The following ITPR2 variants were observed in gnomAD, a reference collection of about 807,000 sequenced individuals.
ITPR2 encodes inositol 1,4,5-trisphosphate receptor type 2.
Under a neutral mutation model 317.1 loss-of-function variants are expected in ITPR2, and 207 were observed. The observed-to-expected ratio is 0.65, with a 90% CI of 0.58 to 0.73. The LOEUF is 0.73. ITPR2 is among the 30% of genes least tolerant of loss of function. The pLI, the probability that ITPR2 is intolerant of heterozygous loss-of-function variation, is 0.00. For synonymous variants in ITPR2, 1,156 were observed against 1,149.1 expected (o/e 1.01, Z -0.12); for missense variants, 2,613 against 3,284.0 (o/e 0.80, Z 4.99).
At position 26,358,104 on chromosome 12, in the gene ITPR2, C is replaced by T. The variant is rs575684387; in HGVS notation, c.7858-17776G>A. Among the ~76,000 whole-genome samples the T allele has an allele frequency of 6.3e-5, 3 of 47,836 alleles. 1 individual carries two copies. Among genetic ancestry groups the T allele is most frequent in the African/African-American group, 1.8e-4 (3 of 16,536 alleles). 31.4% of individuals were successfully genotyped at this position (47,836 alleles called of 152,430 possible). On this transcript the variant is annotated intron_variant, in intron 55 of 56. Transcript: ENST00000381340. ...TCTATGGATAAAGAATAAAGTCGTT[C>T]GGCCGGGCGCGGTGGCTCACGCCTG...
intron 55 of ITPR2, among the ~76,000 whole-genome samples, chr12:26,383,989 T>C (rs972001680): frequency 3.3e-5 from 5 of 152,210 alleles, no homozygotes; most frequent in Admixed American, 2.6e-4. Flanking sequence ...TATAAAGAAT[T>C]TGAAACTTCT....
In ITPR2 at chr12:26,591,835, C is replaced by CAA. The variant is rs35015873; in HGVS notation, c.4380+3628_4380+3629dup. ...TGGGTGACAGAACCAGACTCTATCT[C>CAA]AAAAAAAAAAAAGCAACAACTAAAA... is the stretch of plus-strand genomic sequence containing the variant. On this transcript the variant is annotated intron_variant, in intron 32 of 56. Coordinates refer to ENST00000381340, the MANE Select transcript of ITPR2 (RefSeq NM_002223.4). 4.6e-3 allele frequency among the ~76,000 whole-genome samples: 655 copies of CAA among 142,042 alleles called. 2 individuals are homozygous for CAA. The highest frequency in any genetic ancestry group is 7.9e-3 in the Non-Finnish European group (521 of 65,578). 93.2% of individuals were successfully genotyped at this position (142,042 alleles called of 152,430 possible).
At chr12:26,598,367 TG>T (rs2136733207) in intron 30 of ITPR2, among the ~76,000 whole-genome samples, 1 of 152,326 alleles carries the variant, frequency 6.6e-6, no homozygotes, top group East Asian at 1.9e-4. Flanking sequence ...TATGTCATAA[TG>T]AAAATGCCCA....
intron 54 of ITPR2, among the ~76,000 whole-genome samples, chr12:26,388,805 G>A (rs1393539076): frequency 1.3e-5 from 2 of 152,162 alleles, no homozygotes; most frequent in Non-Finnish European, 2.9e-5. Context: ...TCTGCTGGCT[G>A]ATGGCTAGGC....
intron 13 of ITPR2, among the ~76,000 whole-genome samples, chr12:26,679,612 G>C (rs1947988955): frequency 6.6e-6 from 1 of 152,110 alleles, no homozygotes; most frequent in African/African-American, 2.4e-5. Context: ...AATGGAGTTT[G>C]TTTTTGCTTG....
chr12:26,566,261 AGAG>A (rs1344618762), intron 34 of ITPR2, among the ~76,000 whole-genome samples: 1 of 111,784 alleles, frequency 8.9e-6, no homozygotes, highest in African/African-American at 3.5e-5. Context: ...GAGGAGAGGG[AGAG>A]GAGAAGGAGA....
chr12:26,727,504 A>G (rs541061958), intron 2 of ITPR2, among the ~76,000 whole-genome samples: 1 of 152,348 alleles, frequency 6.6e-6, no homozygotes, highest in South Asian at 2.1e-4. Context: ...CTTTAACAGA[A>G]AAAATATTTT....
chr12:26,656,994 A>C (rs1440107372), intron 18 of ITPR2, among the ~76,000 whole-genome samples: 1 of 152,174 alleles, frequency 6.6e-6, no homozygotes, highest in African/African-American at 2.4e-5. Flanking sequence ...GGCATGAGTC[A>C]CTTGGCTTAT....
At chr12:26,376,148 T>C (rs1270539810) in intron 55 of ITPR2, among the ~76,000 whole-genome samples, 1 of 152,226 alleles carries the variant, frequency 6.6e-6, no homozygotes, top group Non-Finnish European at 1.5e-5. Flanking sequence ...TTGTCCATTT[T>C]AGATTTCTCA....
intron 34 of ITPR2, 67 bp downstream of exon 34, chr12:26,578,646 C>A: frequency 7.0e-7 from 1 of 1,421,536 alleles, no homozygotes. Context: ...GCTTGTGTTG[C>A]CCATTAGCCA....
At chr12:26,823,969 G>A (rs971871958) in intron 1 of ITPR2, among the ~76,000 whole-genome samples, 3 of 152,148 alleles carry the variant, frequency 2.0e-5, no homozygotes, top group Non-Finnish European at 4.4e-5. Flanking sequence ...CTTAACATGT[G>A]TCAATAGACT....
intron 2 of ITPR2, among the ~76,000 whole-genome samples, chr12:26,738,617 G>C (rs1480168165): frequency 1.3e-5 from 2 of 152,040 alleles, no homozygotes; most frequent in Non-Finnish European, 2.9e-5. Flanking sequence ...GAAGGGGGTT[G>C]TTTTTGTTTT....
chr12:26,653,933 C>A (rs754744285), intron 21 of ITPR2, 43 bp downstream of exon 21: 2 of 1,535,466 alleles, frequency 1.3e-6, no homozygotes, highest in Non-Finnish European at 8.9e-7. Context: ...ATCTTACTTC[C>A]AAGTAATAAC....
intron 54 of ITPR2, among the ~76,000 whole-genome samples, chr12:26,392,682 C>T (rs1939885093): frequency 1.3e-5 from 2 of 152,150 alleles, no homozygotes; most frequent in Admixed American, 1.3e-4. Flanking sequence ...GGCTTGATGT[C>T]CAATTAGAGA....
At chr12:26,554,400 A>G (rs1183492786) in intron 36 of ITPR2, among the ~76,000 whole-genome samples, 2 of 152,248 alleles carry the variant, frequency 1.3e-5, no homozygotes, top group Non-Finnish European at 2.9e-5. Context: ...AGTTCTCGAC[A>G]AGGAGTCAGG....
chr12:26,471,368 GAATA>G (rs1261019223), intron 45 of ITPR2, among the ~76,000 whole-genome samples: 5 of 152,154 alleles, frequency 3.3e-5, no homozygotes, highest in Non-Finnish European at 7.4e-5. Flanking sequence ...AGCAAGAAAA[GAATA>G]TAAAAGACCA....
At chr12:26,726,329 C>T (rs1156950128) in intron 2 of ITPR2, among the ~76,000 whole-genome samples, 1 of 152,102 alleles carries the variant, frequency 6.6e-6, no homozygotes, top group Non-Finnish European at 1.5e-5. Context: ...GATTACAGTC[C>T]TGACTCTATT....
At chr12:26,799,584 T>C (rs1226013974) in intron 1 of ITPR2, among the ~76,000 whole-genome samples, 3 of 152,214 alleles carry the variant, frequency 2.0e-5, no homozygotes, top group East Asian at 3.8e-4. Flanking sequence ...AGAGAGGATT[T>C]GCCCGTATAT....
chr12:26,592,046 A>T (rs1011663058), intron 32 of ITPR2, among the ~76,000 whole-genome samples: 5 of 150,504 alleles, frequency 3.3e-5, no homozygotes, highest in Non-Finnish European at 7.5e-5. Context: ...GTACATATAC[A>T]CAACAGAGTA....
Sources: gnomAD v4.1 joint callset for allele counts (sites outside exome capture counted in the v4.1 genomes callset) on GRCh38, gnomAD v4.1.1 for gene constraint, MANE v1.5 for transcripts, NCBI Gene and HGNC (gene_info 2026-07-23, HGNC 2026-07-21) for gene names.